Variants in KCNIP2 observed in about 807,000 individuals in gnomAD.
The protein encoded by KCNIP2 is A-type potassium channel modulatory protein KCNIP2.
In KCNIP2, 19 loss-of-function variants were observed where a neutral mutation model predicts 39.0. The observed-to-expected ratio is 0.49, with a 90% CI of 0.34 to 0.71. The LOEUF is 0.71. Among genes scored for constraint, KCNIP2 ranks in the 30% least tolerant of loss-of-function variants. KCNIP2 has a pLI of 0.01. For missense variants in KCNIP2, 261 were observed against 346.0 expected (o/e 0.75, Z 1.95); for synonymous variants, 111 against 131.2 (o/e 0.85, Z 1.05).
chr10:101,831,207 C>A, intron 1 of KCNIP2, 40 bp from the exon 2 acceptor site: 2 of 1,423,784 alleles, frequency 1.4e-6, no homozygotes, highest in South Asian at 2.5e-5. Flanking sequence ...CATTAACTCC[C>A]ATTGTCCCTC....
At position 101,838,793 on chromosome 10, in the gene KCNIP2, G is replaced by T. The variant is rs899724281; in HGVS notation, c.73+4703C>A. On this transcript the variant is annotated intron_variant, in intron 1 of 9. Transcript: ENST00000356640. This position sits in a 1 kb window ranked among gnomAD's most constrained non-coding sequence, Gnocchi z 4.0. ...TATCTATACTCCAGGGGCTCAAGTG[G>T]ATACCCATGGAGAGAGCCAGAAAAT... Among the ~76,000 whole-genome samples the T allele has an allele frequency of 5.3e-5, 8 of 152,228 alleles. No individual in the cohort carries two copies. Among genetic ancestry groups the T allele is most frequent in the African/African-American group, 1.9e-4 (8 of 41,446 alleles).
Position 101,827,126 on chromosome 10 carries a change from G to T in KCNIP2, c.*227C>A. ...AACACTGGGTGTCAGGCAGGAAGGG[G>T]GTGAGAGCTGGTGGGAGTTGGGAAC... On this transcript the variant is annotated 3_prime_UTR_variant, in exon 10 of 10. Transcript: ENST00000356640. 1 of 1,071,800 alleles carries T rather than the reference G, an allele frequency of 9.3e-7. No individual in the cohort carries two copies. The highest frequency in any genetic ancestry group is 1.2e-6 in the Non-Finnish European group (1 of 829,086). The allele number at this position is 1,071,800 out of a possible 1,614,324, so 66.4% of individuals were successfully genotyped here. A position where few individuals can be genotyped will look rare whatever the true frequency, so the allele number is the denominator to read the frequency against.
Position 101,827,318 on chromosome 10 carries a change from TC to T in KCNIP2, c.*34del. ...CGCCTGGACTAGGGTTAGAGCATGGTCCCCCCAGGAAACACTGACCCCCTCT... is the reference window on the plus strand; with the variant it reads ...CGCCTGGACTAGGGTTAGAGCATGGTCCCCCAGGAAACACTGACCCCCTCT... On this transcript the variant is annotated 3_prime_UTR_variant, in exon 10 of 10. Coordinates refer to ENST00000356640, the MANE Select transcript of KCNIP2 (RefSeq NM_173191.3). 4 of 1,574,824 alleles carry T rather than the reference TC, an allele frequency of 2.5e-6. No homozygotes were observed. The highest frequency in any genetic ancestry group is 1.2e-5 in the South Asian group (1 of 86,364).
Position 101,843,559 on chromosome 10 carries a change from G to C in KCNIP2, c.10C>G (p.Gln4Glu), listed in dbSNP as rs1314142531. 3.9e-6 allele frequency: 6 copies of C among 1,535,918 alleles called. No individual in the cohort carries two copies. The highest frequency in any genetic ancestry group is 5.3e-6 in the Non-Finnish European group (6 of 1,142,166). ...TCGGACAAACTCTCCTTGCGGCCCT[G>C]GCCCCGCATGGCCCCCGGCGCCCCG... MRG[Q>E]GRKESLSDSR... is the part of the protein sequence containing the mutation. Residue 4 changes from glutamine to glutamate, a missense_variant, in exon 1 of 10, where the codon CAG (glutamine) becomes GAG (glutamate). Physicochemically the swap from Gln to Glu is conservative, Grantham distance 29. Coordinates refer to ENST00000356640, the MANE Select transcript of KCNIP2 (RefSeq NM_173191.3). This position sits in a 1 kb window ranked among gnomAD's most constrained non-coding sequence, Gnocchi z 6.7.
In KCNIP2 at chr10:101,828,849, T is replaced by C. The variant is rs1185149397; in HGVS notation, c.349-153A>G. ...GGCTCATGTGATGGGAGGGAAGACTTCTTTCCCAGTGCACAAATAAAAAAC... is the reference window on the plus strand; with the variant it reads ...GGCTCATGTGATGGGAGGGAAGACTCCTTTCCCAGTGCACAAATAAAAAAC... On this transcript the variant is annotated intron_variant, in intron 4 of 9. Coordinates refer to ENST00000356640, the MANE Select transcript of KCNIP2 (RefSeq NM_173191.3). This position sits in a 1 kb window ranked among gnomAD's most constrained non-coding sequence, Gnocchi z 6.6. The C allele has an allele frequency of 1.3e-6, 2 of 1,560,992 alleles. No individual in the cohort carries two copies. The highest frequency in any genetic ancestry group is 8.7e-7 in the Non-Finnish European group (1 of 1,152,666).
Position 101,827,129 on chromosome 10 carries a change from G to A in KCNIP2, c.*224C>T. 2.7e-6 allele frequency: 3 copies of A among 1,109,486 alleles called. No individual in the cohort carries two copies. In the South Asian group the frequency reaches 1.1e-4, roughly 40 times the overall value. 68.7% of individuals were successfully genotyped at this position (1,109,486 alleles called of 1,614,324 possible). A position where few individuals can be genotyped will look rare whatever the true frequency, so the allele number is the denominator to read the frequency against. On this transcript the variant is annotated 3_prime_UTR_variant, in exon 10 of 10. Transcript: ENST00000356640. ...ACTGGGTGTCAGGCAGGAAGGGGGT[G>A]AGAGCTGGTGGGAGTTGGGAACACC...
intron 1 of KCNIP2, among the ~76,000 whole-genome samples, chr10:101,836,282 T>C (rs2066158671): frequency 6.8e-6 from 1 of 147,974 alleles, no homozygotes; most frequent in Non-Finnish European, 1.5e-5. Flanking sequence ...CTCTTTTTTT[T>C]TTTTTTTTTT....
intron 1 of KCNIP2, chr10:101,839,909 C>G (rs2066274384): frequency 6.9e-7 from 1 of 1,447,584 alleles, no homozygotes; most frequent in Non-Finnish European, 9.2e-7. Flanking sequence ...TCCGCCCTCA[C>G]CCGGGTAGGC....
At chr10:101,831,320 C>T (rs1253401517) in intron 1 of KCNIP2, among the ~76,000 whole-genome samples, 153 bp from the exon 2 acceptor site, 3 of 152,140 alleles carry the variant, frequency 2.0e-5, no homozygotes, top group Non-Finnish European at 2.9e-5. Flanking sequence ...TGGTTGGAAT[C>T]GGGTTAGGGG....
intron 1 of KCNIP2, among the ~76,000 whole-genome samples, chr10:101,836,108 C>T (rs1239682075): frequency 1.3e-5 from 2 of 152,114 alleles, no homozygotes; most frequent in African/African-American, 4.8e-5. Flanking sequence ...GGGTGGGGGC[C>T]AGTCCCTAAG....
intron 1 of KCNIP2, among the ~76,000 whole-genome samples, chr10:101,834,911 G>A (rs975486604): frequency 2.0e-5 from 3 of 152,356 alleles, no homozygotes; most frequent in African/African-American, 7.2e-5. Context: ...CTCCTCTTAT[G>A]TGTGTCTTTG....
intron 2 of KCNIP2, chr10:101,830,533 G>T: frequency 9.1e-7 from 1 of 1,103,800 alleles, no homozygotes; most frequent in Non-Finnish European, 1.2e-6. Context: ...ACACTCTCGG[G>T]TCCCACAGTT....
chr10:101,842,679 G>C (rs1438347436), intron 1 of KCNIP2, among the ~76,000 whole-genome samples: 1 of 152,150 alleles, frequency 6.6e-6, no homozygotes, highest in African/African-American at 2.4e-5. Flanking sequence ...GTCCCTCCTT[G>C]GGTCCACCTG....
chr10:101,835,635 C>G (rs761863324), intron 1 of KCNIP2, among the ~76,000 whole-genome samples: 3 of 151,942 alleles, frequency 2.0e-5, no homozygotes, highest in African/African-American at 7.3e-5. Context: ...GAGTCCCTCC[C>G]TCCTCTTCCC....
chr10:101,832,486 C>T (rs895824385), intron 1 of KCNIP2, among the ~76,000 whole-genome samples: 6 of 152,110 alleles, frequency 3.9e-5, no homozygotes, highest in Non-Finnish European at 5.9e-5. Flanking sequence ...ATACCCCACC[C>T]TCCCAATCCA....
intron 3 of KCNIP2, 107 bp from the exon 4 acceptor site, chr10:101,829,306 C>T: frequency 2.2e-6 from 3 of 1,383,444 alleles, no homozygotes; most frequent in Non-Finnish European, 2.9e-6. Flanking sequence ...CATCCGATGC[C>T]GGAGACCAGG....
At chr10:101,832,622 T>C (rs1239599724) in intron 1 of KCNIP2, among the ~76,000 whole-genome samples, 3 of 151,996 alleles carry the variant, frequency 2.0e-5, no homozygotes, top group Non-Finnish European at 2.9e-5. Flanking sequence ...AGGGAGGCAG[T>C]GGGCCAGGCA....
rs537843822 is a variant in KCNIP2 at position 101,836,544 on chromosome 10, G to A, written c.74-5377C>T. 2.0e-5 allele frequency among the ~76,000 whole-genome samples: 3 copies of A among 152,226 alleles called. No homozygotes were observed. In the East Asian group the frequency reaches 5.8e-4, roughly 29 times the overall value. On this transcript the variant is annotated intron_variant, in intron 1 of 9. Transcript: ENST00000356640. ...TGCCACCGCGTCTGGCCTCAAATAG[G>A]CTTGGTCTGTTCCACTCCTTTCCCC...
At position 101,839,787 on chromosome 10, in the gene KCNIP2, G is replaced by A. The variant is rs138055755; in HGVS notation, c.73+3709C>T. On this transcript the variant is annotated intron_variant, in intron 1 of 9. Transcript: ENST00000356640. ...GCGACCCAGTCACCAGCTGGTAGAG[G>A]GATCGCGCTGCCTGCCCCAGCGGGC... is the stretch of plus-strand genomic sequence containing the variant. 278 of 1,611,706 alleles carry A rather than the reference G, an allele frequency of 1.7e-4. 1 individual carries two copies. The highest frequency in any genetic ancestry group is 2.7e-4 in the Admixed American group (16 of 59,894).
Sources: allele counts gnomAD v4.1 joint callset (sites outside exome capture counted in the v4.1 genomes callset), GRCh38; gene constraint gnomAD v4.1.1; non-coding constraint Gnocchi (gnomAD v3.1); transcripts MANE v1.5; gene names NCBI Gene and HGNC (gene_info 2026-07-23, HGNC 2026-07-21).